Variants in SULT1A2 observed in about 807,000 individuals in gnomAD.
SULT1A2 encodes sulfotransferase 1A2.
In SULT1A2, 33 loss-of-function variants were observed where a neutral mutation model predicts 36.0. The ratio of observed to expected loss-of-function variants is 0.92; its 90% CI spans 0.69 to 1.22. The LOEUF is 1.22. Ranked by LOEUF, SULT1A2 falls within the 50% of genes most tolerant of loss-of-function variation. SULT1A2 has a pLI of 0.00. For synonymous variants in SULT1A2, 138 were observed against 144.5 expected, an observed-to-expected ratio of 0.96 and a Z score of 0.32; for missense variants, 367 against 383.2, an observed-to-expected ratio of 0.96 and a Z score of 0.35.
chr16:28,592,234 T>G lies in SULT1A2; in HGVS notation c.775+29A>C, dbSNP rs777817875. On this transcript the variant is annotated intron_variant, in intron 7 of 7. Transcript: ENST00000335715. ...GGCTCCAGCTGCTGCTCCCACCTGC[T>G]CCAAACCCCCGTGCTGGCCGGCACC... 4 of 1,613,732 alleles carry G rather than the reference T, an allele frequency of 2.5e-6. No homozygotes were observed. In the African/African-American group the frequency reaches 4.0e-5, roughly 16 times the overall value.
rs1167547744 is a variant in SULT1A2 at position 28,595,950 on chromosome 16, G to C, written c.-4-16C>G. Reference sequence around the variant, plus strand: ...CTCCATGTTCCTGCGTCAGGGGCCAGAGCCAGGCCCGTTCCCTTACCACCA... The same window carrying C: ...CTCCATGTTCCTGCGTCAGGGGCCACAGCCAGGCCCGTTCCCTTACCACCA... On this transcript the variant is annotated splice_polypyrimidine_tract_variant and intron_variant, in intron 1 of 7. Transcript: ENST00000335715. 2 of 1,602,930 alleles carry C rather than the reference G, an allele frequency of 1.2e-6. No homozygotes were observed. The highest frequency in any genetic ancestry group is 1.1e-5 in the South Asian group (1 of 90,480).
At position 28,593,201 on chromosome 16, in the gene SULT1A2, A is replaced by G. The variant is rs540869592; in HGVS notation, c.594+51T>C. 12 of 1,610,094 alleles carry G rather than the reference A, an allele frequency of 7.5e-6. No individual in the cohort carries two copies. The East Asian group carries it at 1.1e-4, about 15-fold the overall frequency. Reference sequence around the variant, plus strand: ...GGGTGGCCTTGGCAGGTCCCTGTGAAGTGCCTGCCCCCAGGTGTCACGTGG... The same window carrying G: ...GGGTGGCCTTGGCAGGTCCCTGTGAGGTGCCTGCCCCCAGGTGTCACGTGG... On this transcript the variant is annotated intron_variant, in intron 6 of 7. Transcript: ENST00000335715.
At chr16:28,592,673 T>C (rs1026427257) in intron 6 of SULT1A2, among the ~76,000 whole-genome samples, 3 of 152,028 alleles carry the variant, frequency 2.0e-5, no homozygotes, top group Admixed American at 1.3e-4. Context: ...TGGGATGGTC[T>C]TCTTCCGTGC....
At chr16:28,593,010 C>CAA (rs371124038) in intron 6 of SULT1A2, among the ~76,000 whole-genome samples, 1 of 148,632 alleles carries the variant, frequency 6.7e-6, no homozygotes, top group Non-Finnish European at 1.5e-5. Flanking sequence ...GACTTTGTCT[C>CAA]AAAAAAAAAA....
rs754117609 is a variant in SULT1A2, at chr16:28,593,299, T to A, written c.547A>T (p.Ser183Cys). ...AGGTAGAGAACAGGGTGGGTGCGGC[T>A]CAGCTCCCACCACTCTTGCACGTGC... ...YQHVQEWWEL[S>C]RTHPVLYLFY... The change falls in exon 6 of 8, where the codon AGC becomes TGC. Residue 183 changes from serine (S) to cysteine (C), a missense_variant. Coordinates refer to ENST00000335715, the MANE Select transcript of SULT1A2 (RefSeq NM_001054.4). The A allele has an allele frequency of 3.7e-6, 6 of 1,614,100 alleles. No homozygotes were observed.
chr16:28,592,162 C>T (rs1308454647), intron 7 of SULT1A2, 22 bp from the exon 8 acceptor site: 1 of 1,612,596 alleles, frequency 6.2e-7, no homozygotes, highest in South Asian at 1.1e-5. Context: ...AGGCAGGGAG[C>T]AAAGCTGGAG....
At position 28,594,494 on chromosome 16, in the gene SULT1A2, C is replaced by T. The variant is rs118104505; in HGVS notation, c.372+873G>A. Reference sequence around the variant, plus strand: ...TTGAAACAATGTCTCGTTGTGTCTCCCAGGCTGGAGTGCAGTGGCACAATC... The same window carrying T: ...TTGAAACAATGTCTCGTTGTGTCTCTCAGGCTGGAGTGCAGTGGCACAATC... On this transcript the variant is annotated intron_variant, in intron 4 of 7. Transcript: ENST00000335715. Among the ~76,000 whole-genome samples, 925 of 152,272 alleles carry T rather than the reference C, an allele frequency of 6.1e-3. 10 individuals carry two copies. Among genetic ancestry groups the T allele is most frequent in the Middle Eastern group, 0.01 (3 of 294 alleles).
intron 4 of SULT1A2, 93 bp from the exon 5 acceptor site, chr16:28,593,661 G>T (rs1163801013): frequency 1.6e-5 from 25 of 1,576,974 alleles, no homozygotes; most frequent in Non-Finnish European, 2.1e-5. Flanking sequence ...GGAAGCTGAG[G>T]CTTAGAGGCT....
Position 28,593,549 on chromosome 16 carries a change from T to C in SULT1A2, c.392A>G (p.Asn131Ser), listed in dbSNP as rs745542960. The change falls in exon 5 of 8, where the codon AAC becomes AGC. Residue 131 changes from asparagine (N) to serine (S), a missense_variant. Transcript: ENST00000335715. Reference sequence around the variant, plus strand: ...GTAGGAAACCGCCACATCCTTTGCGTTGCGGGCAACATAGACCACCTGCAG... The same window carrying C: ...GTAGGAAACCGCCACATCCTTTGCGCTGCGGGCAACATAGACCACCTGCAG... Reference protein sequence around the residue: ...QKVKVVYVARNAKDVAVSYYH... With the variant: ...QKVKVVYVARSAKDVAVSYYH... 15 of 1,614,144 alleles carry C rather than the reference T, an allele frequency of 9.3e-6. No individual in the cohort carries two copies. Among genetic ancestry groups the C allele is most frequent in the Middle Eastern group, 3.3e-4 (2 of 6,062 alleles).
At chr16:28,593,976 G>C (rs1430811791) in intron 4 of SULT1A2, among the ~76,000 whole-genome samples, 1 of 152,028 alleles carries the variant, frequency 6.6e-6, no homozygotes, top group Non-Finnish European at 1.5e-5. Flanking sequence ...GACAAGTCTG[G>C]AGGAAGTGAG....
In SULT1A2 at chr16:28,595,865, C is replaced by T; in HGVS notation, c.66G>A (p.Lys22=). Residue 22 remains lysine, a synonymous_variant, in exon 2 of 8, where the codon AAG becomes AAA. Transcript: ENST00000335715. ...LEYVKGVPLI[K]YFAEALGPLQ... ...GGGGCCCCAGTGCCTCTGCAAAGTA[C>T]TTGATGAGCGGGACCCCCTTCACGT... 1 of 1,611,284 alleles carries T rather than the reference C, an allele frequency of 6.2e-7. No homozygotes were observed. The highest frequency in any genetic ancestry group is 8.5e-7 in the Non-Finnish European group (1 of 1,179,228).
Position 28,595,665 on chromosome 16 carries a change from C to T in SULT1A2, c.159G>A (p.Trp53Ter). The T allele has an allele frequency of 6.2e-7, 1 of 1,614,120 alleles. No homozygotes were observed. The highest frequency in any genetic ancestry group is 1.1e-5 in the South Asian group (1 of 91,076). The change falls in exon 3 of 8, where the codon TGG becomes TGA. Residue 53 changes from tryptophan to a stop codon, truncating the protein, a stop_gained. Transcript: ENST00000335715. LOFTEE classifies it high-confidence loss of function. ...AGATCATGTCCAGAATCTGGCTCAC[C>T]CAGGTGGTGCCTGGAGAGGGAGGGA... ...ISTYPKSGTT[W>*]VSQILDMIYQ...
Position 28,593,534 on chromosome 16 carries a change from G to A in SULT1A2, c.407C>T (p.Ala136Val), listed in dbSNP as rs778260082. The change falls in exon 5 of 8, where the codon GCG becomes GTG. Residue 136 changes from alanine (A) to valine (V), a missense_variant. Coordinates refer to ENST00000335715, the MANE Select transcript of SULT1A2 (RefSeq NM_001054.4). Reference protein sequence around the residue: ...VYVARNAKDVAVSYYHFYHMA... With the variant: ...VYVARNAKDVVVSYYHFYHMA... ...GTGGTAGAAGTGGTAGTAGGAAACC[G>A]CCACATCCTTTGCGTTGCGGGCAAC... The A allele has an allele frequency of 2.5e-5, 41 of 1,614,032 alleles. No homozygotes were observed. The highest frequency in any genetic ancestry group is 1.6e-4 in the African/African-American group (12 of 74,898).
rs573467108 is a variant in SULT1A2 at position 28,596,105 on chromosome 16, A to G, written c.-4-171T>C. On this transcript the variant is annotated intron_variant, in intron 1 of 7. Transcript: ENST00000335715. Reference sequence around the variant, plus strand: ...GGGGCTGAAAACCAGGTCGGGCTCTAATGTGGTGGTTCCCCAGCCTGGCCT... The same window carrying G: ...GGGGCTGAAAACCAGGTCGGGCTCTGATGTGGTGGTTCCCCAGCCTGGCCT... 53 of 1,468,860 alleles carry G rather than the reference A, an allele frequency of 3.6e-5. No homozygotes were observed. The African/African-American group carries it at 6.3e-4, about 18-fold the overall frequency. The allele number at this position is 1,468,860 out of a possible 1,614,324, so 91.0% of individuals were successfully genotyped here.
intron 2 of SULT1A2, 28 bp downstream of exon 2, chr16:28,595,755 G>A (rs776323099): frequency 6.2e-6 from 10 of 1,612,154 alleles, no homozygotes; most frequent in Non-Finnish European, 5.1e-6. Context: ...TGCCACCTGG[G>A]AGAGGGTGGG....
chr16:28,595,307 C>T, intron 4 of SULT1A2, 60 bp downstream of exon 4: 2 of 1,599,534 alleles, frequency 1.3e-6, no homozygotes, highest in African/African-American at 2.7e-5. Flanking sequence ...AAGGGATCTT[C>T]CCACCTCAGC....
At chr16:28,592,503 G>T in intron 6 of SULT1A2, 60 bp from the exon 7 acceptor site, 1 of 1,612,772 alleles carries the variant, frequency 6.2e-7, no homozygotes, top group Non-Finnish European at 8.5e-7. Flanking sequence ...AAATAAAAGG[G>T]GTCCACTTCT....
intron 6 of SULT1A2, 38 bp from the exon 7 acceptor site, chr16:28,592,481 G>A (rs1236795056): frequency 3.7e-6 from 6 of 1,614,052 alleles, no homozygotes; most frequent in Non-Finnish European, 5.1e-6. Context: ...GGCTTGGATT[G>A]CTGATTCAGG....
chr16:28,594,046 T>C (rs1352846947), intron 4 of SULT1A2, among the ~76,000 whole-genome samples: 1 of 150,888 alleles, frequency 6.6e-6, no homozygotes, highest in Non-Finnish European at 1.5e-5. Context: ...CTTCCCTGGA[T>C]TCACATGCCC....
Sources: gnomAD v4.1 joint callset for allele counts (sites outside exome capture counted in the v4.1 genomes callset) on GRCh38, gnomAD v4.1.1 for gene constraint, MANE v1.5 for transcripts, NCBI Gene and HGNC (gene_info 2026-07-23, HGNC 2026-07-21) for gene names.